ANKFN1: variants seen among roughly 807,000 people sequenced by gnomAD.
ANKFN1 encodes the protein ankyrin repeat and fibronectin type III domain containing 1.
A neutral mutation model predicts 108.7 loss-of-function variants in ANKFN1; 74 were observed. That is an observed-to-expected ratio of 0.68 (90% CI 0.56 to 0.83). ANKFN1 has a LOEUF of 0.83. Among genes scored for constraint, ANKFN1 ranks in the 40% least tolerant of loss-of-function variants. The pLI, the probability that ANKFN1 is intolerant of heterozygous loss-of-function variation, is 0.00. For synonymous variants in ANKFN1, 547 were observed against 516.2 expected, an observed-to-expected ratio of 1.06 and a Z score of -0.81; for missense variants, 1,505 against 1,382.3, an observed-to-expected ratio of 1.09 and a Z score of -1.41.
intron 8 of ANKFN1, among the ~76,000 whole-genome samples, chr17:56,416,563 T>C (rs1349219224): frequency 6.6e-6 from 1 of 152,202 alleles, no homozygotes; most frequent in Non-Finnish European, 1.5e-5. Context: ...TAACAAATGC[T>C]GGTGAGGATG....
At chr17:56,151,732 A>G (rs1908628674), upstream of ANKFN1, among the ~76,000 whole-genome samples, 2 of 152,304 alleles carry the variant, frequency 1.3e-5, no homozygotes, top group South Asian at 4.2e-4. Flanking sequence ...AAATAAAAGC[A>G]TTACTTCCGT....
At chr17:56,258,751 T>C (rs2043424251) in intron 3 of ANKFN1, among the ~76,000 whole-genome samples, 1 of 151,678 alleles carries the variant, frequency 6.6e-6, no homozygotes. Flanking sequence ...TCTATAAAAA[T>C]ACCAAAAAAA....
chr17:56,264,952 A>C (rs912809629), intron 3 of ANKFN1, among the ~76,000 whole-genome samples: 1 of 152,082 alleles, frequency 6.6e-6, no homozygotes, highest in African/African-American at 2.4e-5. Flanking sequence ...CTCAGGCCAT[A>C]TCCTCATCTA....
At chr17:56,477,452 C>A in intron 15 of ANKFN1, 36 bp from the exon 16 acceptor site, 1 of 1,481,118 alleles carries the variant, frequency 6.8e-7, no homozygotes. Flanking sequence ...GAGTTGTTTT[C>A]TTGTTTTCTT....
chr17:56,494,916 T>C (rs747397471), intron 19 of ANKFN1, among the ~76,000 whole-genome samples: 4 of 152,158 alleles, frequency 2.6e-5, no homozygotes, highest in Non-Finnish European at 5.9e-5. Flanking sequence ...TCCCTGGCTT[T>C]ATTCCTACTC....
intron 4 of ANKFN1, among the ~76,000 whole-genome samples, chr17:56,073,931 C>G (rs150486446): frequency 1.1e-4 from 16 of 152,162 alleles, no homozygotes; most frequent in South Asian, 1.0e-3. Context: ...TTGTTTCCAC[C>G]TTTTGGAGAT....
At chr17:56,297,075 A>G in intron 3 of ANKFN1, among the ~76,000 whole-genome samples, 1 of 152,214 alleles carries the variant, frequency 6.6e-6, no homozygotes, top group East Asian at 1.9e-4. Flanking sequence ...ACAATGAATG[A>G]GAAAGAGAGT....
At chr17:56,235,894 G>T (rs141862757) in intron 3 of ANKFN1, among the ~76,000 whole-genome samples, 1 of 152,090 alleles carries the variant, frequency 6.6e-6, no homozygotes, top group East Asian at 1.9e-4. Context: ...TGTGAAAAAT[G>T]TCTTTGGTAG....
chr17:56,122,367 A>G (rs1049180467), intron 4 of ANKFN1, among the ~76,000 whole-genome samples: 4 of 152,158 alleles, frequency 2.6e-5, no homozygotes, highest in Non-Finnish European at 5.9e-5. Context: ...CGTGCCTGAG[A>G]TCTTCTTTGT....
intron 4 of ANKFN1, among the ~76,000 whole-genome samples, chr17:56,088,028 C>T (rs1367811459): frequency 6.6e-6 from 1 of 151,148 alleles, no homozygotes; most frequent in Non-Finnish European, 1.5e-5. Flanking sequence ...TAGGCATAGG[C>T]ATGAGAGGTT....
At chr17:56,100,152 G>A (rs528195194) in intron 4 of ANKFN1, among the ~76,000 whole-genome samples, 1 of 152,340 alleles carries the variant, frequency 6.6e-6, no homozygotes, top group African/African-American at 2.4e-5. Flanking sequence ...CAAAATGGCA[G>A]TGAAGGCAGG....
chr17:56,214,081 A>G (rs1282767872), intron 2 of ANKFN1, among the ~76,000 whole-genome samples: 2 of 152,232 alleles, frequency 1.3e-5, no homozygotes, highest in South Asian at 4.1e-4. Flanking sequence ...ACATTTTAGT[A>G]TTAACACAAA....
intron 1 of ANKFN1, among the ~76,000 whole-genome samples, chr17:56,200,694 A>G (rs1170037434): frequency 6.6e-6 from 1 of 152,172 alleles, no homozygotes; most frequent in Non-Finnish European, 1.5e-5. Context: ...ACATATGTAC[A>G]TGTTACTGTA....
chr17:56,052,477 G>GC (rs1161839839), intron 4 of ANKFN1, among the ~76,000 whole-genome samples: 1 of 152,096 alleles, frequency 6.6e-6, no homozygotes, highest in African/African-American at 2.4e-5. Context: ...AAGATAAGAG[G>GC]CTTTTAAATG....
At chr17:56,115,256 G>A (rs370411857) in intron 4 of ANKFN1, among the ~76,000 whole-genome samples, 23 of 152,218 alleles carry the variant, frequency 1.5e-4, no homozygotes, top group African/African-American at 3.6e-4. Context: ...GGATGTCTGC[G>A]GTGACATTGC....
Position 56,350,819 on chromosome 17 carries a change from CA to C in ANKFN1, c.249del (p.Lys83AsnfsTer22), listed in dbSNP as rs1322720501. ...QQMQNLHLCQ[S>X]KKHSAPSSPN... ...ATGCAAAATTTACATCTCTGTCAGTCAAAAAAACATAGTGCTCCCTCATCTC... is the reference window on the plus strand; with the variant it reads ...ATGCAAAATTTACATCTCTGTCAGTCAAAAAACATAGTGCTCCCTCATCTC... On this transcript the variant is annotated frameshift_variant, in exon 5 of 21. Transcript: ENST00000682825. LOFTEE classifies it high-confidence loss of function. 6.2e-7 allele frequency: 1 copy of C among 1,613,654 alleles called. No individual in the cohort carries two copies. Among genetic ancestry groups the C allele is most frequent in the Non-Finnish European group, 8.5e-7 (1 of 1,179,782 alleles).
rs33957848 is a variant in ANKFN1 at position 56,300,590 on chromosome 17, G to GTT, written c.54-25616_54-25615dup. Among the ~76,000 whole-genome samples the GTT allele has an allele frequency of 6.4e-3, 841 of 131,664 alleles. 6 individuals carry two copies. The highest frequency in any genetic ancestry group is 0.014 in the African/African-American group (518 of 37,710). The allele number at this position is 131,664 out of a possible 152,430, so 86.4% of individuals were successfully genotyped here. A position where few individuals can be genotyped will look rare whatever the true frequency, so the allele number is the denominator to read the frequency against. ...CTCTCTCCCTTAGACACAGGAAATT[G>GTT]TTTTTTTTTTTTTTTTAAAGAAAAC... On this transcript the variant is annotated intron_variant, in intron 3 of 20. Coordinates refer to ENST00000682825, the MANE Select transcript of ANKFN1 (RefSeq NM_001370326.1).
chr17:56,452,131 T>A (rs1291167058), intron 11 of ANKFN1, among the ~76,000 whole-genome samples: 1 of 152,198 alleles, frequency 6.6e-6, no homozygotes, highest in Non-Finnish European at 1.5e-5. Context: ...CCTATAGGGA[T>A]GAATTTATAT....
chr17:56,485,350 A>G (rs1420715158), intron 18 of ANKFN1, among the ~76,000 whole-genome samples: 2 of 152,352 alleles, frequency 1.3e-5, no homozygotes, highest in South Asian at 2.1e-4. Flanking sequence ...TGAAGAAGAA[A>G]CATTTGAGCA....
Sources: gnomAD v4.1 joint callset for allele counts (sites outside exome capture counted in the v4.1 genomes callset) on GRCh38, gnomAD v4.1.1 for gene constraint, MANE v1.5 for transcripts, NCBI Gene and HGNC (gene_info 2026-07-23, HGNC 2026-07-21) for gene names.